Variants in SSBP2 observed in about 807,000 individuals in gnomAD.
The protein encoded by SSBP2 is single-stranded DNA-binding protein 2.
Under a neutral mutation model 61.8 loss-of-function variants are expected in SSBP2, and 17 were observed. That is an observed-to-expected ratio of 0.28 (90% CI 0.19 to 0.41). The LOEUF (loss-of-function observed/expected upper bound fraction) is 0.41. SSBP2 is among the 10% of genes least tolerant of loss of function. SSBP2 has a pLI of 1.00. For missense variants in SSBP2, 310 were observed against 458.7 expected (o/e 0.68, Z 2.96); for synonymous variants, 139 against 141.3 (o/e 0.98, Z 0.12).
At chr5:81,642,753 TAA>T (rs1336710413) in intron 2 of SSBP2, among the ~76,000 whole-genome samples, 1 of 152,016 alleles carries the variant, frequency 6.6e-6, no homozygotes, top group Admixed American at 6.5e-5. Context: ...GCTACAACCA[TAA>T]AAAGAGAATT....
At chr5:81,747,974 A>G (rs1385500348) in intron 1 of SSBP2, among the ~76,000 whole-genome samples, 1 of 152,184 alleles carries the variant, frequency 6.6e-6, no homozygotes, top group Non-Finnish European at 1.5e-5. Context: ...GTAAGTAACT[A>G]ATCTTACCCT....
chr5:81,693,398 G>A (rs546565646), intron 1 of SSBP2, among the ~76,000 whole-genome samples: 2 of 152,228 alleles, frequency 1.3e-5, no homozygotes, highest in East Asian at 3.9e-4. Context: ...ACAATCCGCA[G>A]AATGGGAGAA....
intron 1 of SSBP2, among the ~76,000 whole-genome samples, chr5:81,663,686 C>CA (rs35998033): frequency 0.27 from 41,581 of 152,016 alleles, 5,899 homozygotes; most frequent in Non-Finnish European, 0.32. Flanking sequence ...ATCTGTCAAC[C>CA]TGACCATAAT....
Position 81,750,869 on chromosome 5 carries a change from A to AC in SSBP2, c.62+111dup, listed in dbSNP as rs1160646531. ...GCGGCACCCCTCCCCCTGCCAGCCC[A>AC]CCCCCGGCGCTCCCCGGGCGGAGAG... On this transcript the variant is annotated intron_variant, in intron 1 of 16. Coordinates refer to ENST00000320672, the MANE Select transcript of SSBP2 (RefSeq NM_012446.5). 5 of 967,586 alleles carry AC rather than the reference A, an allele frequency of 5.2e-6. No individual in the cohort carries two copies. In the African/African-American group the frequency reaches 7.1e-5, roughly 14 times the overall value. The allele number at this position is 967,586 out of a possible 1,614,324, so 59.9% of individuals were successfully genotyped here. A position where few individuals can be genotyped will look rare whatever the true frequency, so the allele number is the denominator to read the frequency against.
At position 81,602,688 on chromosome 5, in the gene SSBP2, C is replaced by T. The variant is rs190228819; in HGVS notation, c.282+12785G>A. The stretch of plus-strand genomic sequence containing the variant: ...ACCCTTTGTTTGAAAACAAGAATTC[C>T]GTTTTTAGCTCAGTTTTCTCTATCC... On this transcript the variant is annotated intron_variant, in intron 4 of 16. Coordinates refer to ENST00000320672, the MANE Select transcript of SSBP2 (RefSeq NM_012446.5). Among the ~76,000 whole-genome samples the T allele has an allele frequency of 2.9e-3, 446 of 152,186 alleles. 3 individuals are homozygous for T. Among genetic ancestry groups the T allele is most frequent in the African/African-American group, 0.01 (422 of 41,540 alleles).
intron 1 of SSBP2, among the ~76,000 whole-genome samples, chr5:81,747,356 T>G (rs1757423134): frequency 6.6e-6 from 1 of 152,120 alleles, no homozygotes; most frequent in Non-Finnish European, 1.5e-5. Flanking sequence ...TATCCCTCGG[T>G]GAGTTCTTTA....
At position 81,733,893 on chromosome 5, in the gene SSBP2, A is replaced by G. The variant is rs536224998; in HGVS notation, c.62+17088T>C. On this transcript the variant is annotated intron_variant, in intron 1 of 16. Coordinates refer to ENST00000320672, the MANE Select transcript of SSBP2 (RefSeq NM_012446.5). ...GTTAAATGTCCATGCATTTAAAGAT[A>G]CAAAACTATTCTCTTCTCTGTCAAA... Among the ~76,000 whole-genome samples, 14 of 152,350 alleles carry G rather than the reference A, an allele frequency of 9.2e-5. 1 individual carries two copies. In the East Asian group the frequency reaches 2.3e-3, roughly 25 times the overall value.
At chr5:81,423,653 G>C (rs934120790) in intron 16 of SSBP2, among the ~76,000 whole-genome samples, 2 of 152,036 alleles carry the variant, frequency 1.3e-5, no homozygotes, top group Non-Finnish European at 2.9e-5. Context: ...GCTGAGGCAG[G>C]AGAATCGCTT....
At chr5:81,601,263 T>C (rs929394209) in intron 4 of SSBP2, among the ~76,000 whole-genome samples, 2 of 152,168 alleles carry the variant, frequency 1.3e-5, no homozygotes, top group Admixed American at 6.6e-5. Flanking sequence ...ATTTATAATG[T>C]GAGCTAACAC....
At chr5:81,439,308 A>G (rs1177644334) in intron 14 of SSBP2, among the ~76,000 whole-genome samples, 1 of 152,162 alleles carries the variant, frequency 6.6e-6, no homozygotes, top group Non-Finnish European at 1.5e-5. Context: ...TTAAACATAT[A>G]CGAACATAAA....
Position 81,691,755 on chromosome 5 carries a change from TC to T in SSBP2, c.63-41417del, listed in dbSNP as rs978547634. Among the ~76,000 whole-genome samples the T allele has an allele frequency of 1.7e-3, 252 of 151,984 alleles. 6 individuals are homozygous for T. Among genetic ancestry groups the T allele is most frequent in the Admixed American group, 0.016 (251 of 15,248 alleles). On this transcript the variant is annotated intron_variant, in intron 1 of 16. Coordinates refer to ENST00000320672, the MANE Select transcript of SSBP2 (RefSeq NM_012446.5). ...GATACCAAAACCAGACAAAGACACATCAAAAAAAGAAAACTACAAGCCAATA... is the reference window on the plus strand; with the variant it reads ...GATACCAAAACCAGACAAAGACACATAAAAAAAGAAAACTACAAGCCAATA...
chr5:81,432,654 G>A (rs556775202), intron 15 of SSBP2, among the ~76,000 whole-genome samples: 6 of 152,320 alleles, frequency 3.9e-5, no homozygotes, highest in Non-Finnish European at 7.4e-5. Context: ...GCTGAGGCAG[G>A]AGAATTTCTT....
chr5:81,654,224 C>T (rs1399755848), intron 1 of SSBP2, among the ~76,000 whole-genome samples: 5 of 152,154 alleles, frequency 3.3e-5, no homozygotes, highest in Non-Finnish European at 7.3e-5. Context: ...CTAGGCTTCC[C>T]AAAGTGCTGG....
At chr5:81,432,271 T>C (rs1312730743) in intron 15 of SSBP2, among the ~76,000 whole-genome samples, 1 of 152,148 alleles carries the variant, frequency 6.6e-6, no homozygotes, top group Non-Finnish European at 1.5e-5. Flanking sequence ...GTAGGATCTC[T>C]AACTGGAGCC....
At chr5:81,473,472 T>C (rs1360638319) in intron 8 of SSBP2, among the ~76,000 whole-genome samples, 1 of 152,140 alleles carries the variant, frequency 6.6e-6, no homozygotes, top group Admixed American at 6.6e-5. Context: ...TAAATTCTTG[T>C]TGGAAGAACA....
rs918886593 is a variant in SSBP2 at position 81,443,300 on chromosome 5, CTTTATT to C, written c.779-583_779-578del. ...ACTTCTGATGAAATGTTTTTACTCACTTTATTTTTGATTTATTATAATAAAAATATC... is the reference window on the plus strand; with the variant it reads ...ACTTCTGATGAAATGTTTTTACTCACTTTGATTTATTATAATAAAAATATC... On this transcript the variant is annotated intron_variant, in intron 12 of 16. Transcript: ENST00000320672. 6.6e-5 allele frequency: 10 copies of C among 152,186 alleles called. 1 individual carries two copies. Among genetic ancestry groups the C allele is most frequent in the African/African-American group, 2.2e-4 (9 of 41,560 alleles). The allele number at this position is 152,186 out of a possible 1,614,324, so 9.4% of individuals were successfully genotyped here.
rs564927232 is a variant in SSBP2 at position 81,652,347 on chromosome 5, C to A, written c.63-2008G>T. ...AGTACCTAAGAAACAAAAAGTTTAC[C>A]TATTTACAAGTAAAATTAAGTGACA... is the stretch of plus-strand genomic sequence containing the variant. On this transcript the variant is annotated intron_variant, in intron 1 of 16. Transcript: ENST00000320672. Among the ~76,000 whole-genome samples the A allele has an allele frequency of 1.2e-3, 181 of 152,210 alleles. 1 individual carries two copies. The highest frequency in any genetic ancestry group is 2.4e-3 in the Admixed American group (36 of 15,284).
intron 1 of SSBP2, among the ~76,000 whole-genome samples, chr5:81,656,927 T>C (rs1311698250): frequency 6.6e-6 from 1 of 152,112 alleles, no homozygotes; most frequent in Non-Finnish European, 1.5e-5. Context: ...CAGAACAGTT[T>C]GTATAGTATG....
intron 3 of SSBP2, among the ~76,000 whole-genome samples, chr5:81,627,197 A>C (rs1747259688): frequency 6.6e-6 from 1 of 152,130 alleles, no homozygotes; most frequent in Admixed American, 6.5e-5. Context: ...CGTTTTTTAC[A>C]ATGTTCTCTC....
Sources: gnomAD v4.1 joint callset for allele counts (sites outside exome capture counted in the v4.1 genomes callset) on GRCh38, gnomAD v4.1.1 for gene constraint, MANE v1.5 for transcripts, NCBI Gene and HGNC (gene_info 2026-07-23, HGNC 2026-07-21) for gene names.